XPO6: variants seen among roughly 807,000 people sequenced by gnomAD.
The protein encoded by XPO6 is exportin-6.
A neutral mutation model predicts 130.0 loss-of-function variants in XPO6; 3 were observed. That is an observed-to-expected ratio of 0.02 (90% CI 0.01 to 0.06). The LOEUF is 0.06. Among genes scored for constraint, XPO6 ranks in the 10% least tolerant of loss-of-function variants. XPO6 has a pLI of 1.00. For synonymous variants in XPO6, 524 were observed against 548.9 expected (o/e 0.95, Z 0.63); for missense variants, 970 against 1,393.0 (o/e 0.70, Z 4.83).
chr16:28,145,887 T>C (rs1459527544), intron 9 of XPO6, among the ~76,000 whole-genome samples: 1 of 152,198 alleles, frequency 6.6e-6, no homozygotes, highest in Non-Finnish European at 1.5e-5. Context: ...TATAAAAAAT[T>C]AGTAATACAT....
At chr16:28,145,902 C>A (rs968882799) in intron 9 of XPO6, among the ~76,000 whole-genome samples, 192 bp downstream of exon 9, 3 of 152,048 alleles carry the variant, frequency 2.0e-5, no homozygotes, top group Non-Finnish European at 4.4e-5. Flanking sequence ...ATACATATTA[C>A]TTTTAAAATT....
intron 8 of XPO6, among the ~76,000 whole-genome samples, chr16:28,149,073 A>C (rs1197040560): frequency 3.7e-5 from 5 of 136,530 alleles, no homozygotes; most frequent in South Asian, 2.8e-4. Flanking sequence ...AAAAAAAAAA[A>C]CAAAAGGAAG....
chr16:28,180,464 T>C (rs1208940285), intron 2 of XPO6, among the ~76,000 whole-genome samples: 3 of 152,184 alleles, frequency 2.0e-5, no homozygotes, highest in East Asian at 1.9e-4. Context: ...TTCTGGGCAC[T>C]ATTAGGTTCA....
intron 9 of XPO6, among the ~76,000 whole-genome samples, chr16:28,137,377 A>C (rs913921899): frequency 6.6e-6 from 1 of 152,210 alleles, no homozygotes; most frequent in Non-Finnish European, 1.5e-5. Context: ...TCTGAAACCT[A>C]TTTAATCAAT....
intron 13 of XPO6, among the ~76,000 whole-genome samples, chr16:28,124,755 C>G (rs1402275845): frequency 6.6e-6 from 1 of 152,224 alleles, no homozygotes; most frequent in Non-Finnish European, 1.5e-5. Flanking sequence ...TAATATGAAT[C>G]TGGCTTTTAA....
Position 28,106,739 on chromosome 16 carries a change from C to G in XPO6, c.2498-242G>C, listed in dbSNP as rs760133970. Among the ~76,000 whole-genome samples, 1 of 152,186 alleles carries G rather than the reference C, an allele frequency of 6.6e-6. No homozygotes were observed. The highest frequency in any genetic ancestry group is 1.5e-5 in the Non-Finnish European group (1 of 68,028). On this transcript the variant is annotated intron_variant, in intron 18 of 23. Coordinates refer to ENST00000304658, the MANE Select transcript of XPO6 (RefSeq NM_015171.4). The surrounding 1 kb of genome is among the most constrained non-coding windows in gnomAD (Gnocchi z 4.2). ...GTGGCTCACTACAGGAAATGAAGGT[C>G]ATCTCGAACCCTCCCTCATTGCCCG...
intron 9 of XPO6, among the ~76,000 whole-genome samples, chr16:28,140,211 G>C (rs1330259837): frequency 7.5e-6 from 1 of 133,782 alleles, no homozygotes; most frequent in Non-Finnish European, 1.6e-5. Context: ...CAGCCTGGGT[G>C]ACAGAGCAAG....
chr16:28,211,035 C>T (rs2044120419), intron 1 of XPO6, among the ~76,000 whole-genome samples: 1 of 152,220 alleles, frequency 6.6e-6, no homozygotes, highest in South Asian at 2.1e-4. Flanking sequence ...AATACTACTG[C>T]ACTGTCAATC....
chr16:28,170,714 T>C (rs1258259829), intron 4 of XPO6, among the ~76,000 whole-genome samples: 1 of 152,222 alleles, frequency 6.6e-6, no homozygotes, highest in Admixed American at 6.5e-5. Flanking sequence ...ACACCATACA[T>C]ACATGTCATT....
chr16:28,127,702 G>A (rs1210356217), intron 12 of XPO6, among the ~76,000 whole-genome samples: 1 of 152,214 alleles, frequency 6.6e-6, no homozygotes, highest in African/African-American at 2.4e-5. Context: ...AAGGGATGAG[G>A]CTCGCAACAG....
chr16:28,194,502 G>C (rs532444004), intron 1 of XPO6, among the ~76,000 whole-genome samples: 12 of 152,072 alleles, frequency 7.9e-5, no homozygotes, highest in African/African-American at 2.9e-4. Flanking sequence ...ACCATATAAA[G>C]CAGACTAAAT....
intron 1 of XPO6, among the ~76,000 whole-genome samples, chr16:28,182,917 A>C (rs1198346398): frequency 6.6e-6 from 1 of 152,184 alleles, no homozygotes; most frequent in Non-Finnish European, 1.5e-5. Context: ...TTAAAATAAA[A>C]AGGCTGTGGG....
At chr16:28,137,642 CTT>C (rs55827349) in intron 9 of XPO6, among the ~76,000 whole-genome samples, 101 of 149,734 alleles carry the variant, frequency 6.7e-4, no homozygotes, top group Non-Finnish European at 7.4e-4. Flanking sequence ...ACCAGAGTAT[CTT>C]TTTTTTTTTT....
At chr16:28,178,088 T>C (rs1395897637) in intron 2 of XPO6, among the ~76,000 whole-genome samples, 2 of 152,198 alleles carry the variant, frequency 1.3e-5, no homozygotes, top group South Asian at 2.1e-4. Flanking sequence ...CTTAGTCACC[T>C]TGACCTGCTG....
intron 1 of XPO6, among the ~76,000 whole-genome samples, chr16:28,199,367 C>G (rs929484171): frequency 6.6e-6 from 1 of 151,614 alleles, no homozygotes; most frequent in Non-Finnish European, 1.5e-5. Flanking sequence ...CTCCACCTCC[C>G]GGGTTCAAGC....
At chr16:28,135,423 C>T (rs2042756540) in intron 9 of XPO6, 99 bp from the exon 10 acceptor site, 1 of 943,796 alleles carries the variant, frequency 1.1e-6, no homozygotes, top group African/African-American at 1.6e-5. Context: ...CTATGTTGAT[C>T]ACCATGGAAA....
At position 28,098,423 on chromosome 16, in the gene XPO6, C is replaced by T. The variant is rs1177502922; in HGVS notation, c.*115G>A. 9.3e-6 allele frequency: 8 copies of T among 863,168 alleles called. No individual in the cohort carries two copies. The highest frequency in any genetic ancestry group is 6.7e-5 in the African/African-American group (4 of 59,482). 53.5% of individuals were successfully genotyped at this position (863,168 alleles called of 1,614,324 possible). A position where few individuals can be genotyped will look rare whatever the true frequency, so the allele number is the denominator to read the frequency against. ...CGGCAGAGGCAGGCAGCGTTGCTTG[C>T]GGTGGGAGAAGCCAAGGAGTGTGAC... On this transcript the variant is annotated 3_prime_UTR_variant, in exon 24 of 24. Transcript: ENST00000304658.
intron 9 of XPO6, among the ~76,000 whole-genome samples, chr16:28,135,971 G>C (rs933493509): frequency 9.2e-5 from 14 of 152,088 alleles, no homozygotes; most frequent in African/African-American, 3.4e-4. Context: ...GTATTTTCAA[G>C]TTATGATCTT....
intron 8 of XPO6, among the ~76,000 whole-genome samples, chr16:28,150,922 A>C (rs2043075055): frequency 6.6e-6 from 1 of 151,974 alleles, no homozygotes; most frequent in Non-Finnish European, 1.5e-5. Context: ...TGACCTCGGC[A>C]CGGCTCTCCT....
Sources: allele counts gnomAD v4.1 joint callset (sites outside exome capture counted in the v4.1 genomes callset), GRCh38; gene constraint gnomAD v4.1.1; non-coding constraint Gnocchi (gnomAD v3.1); transcripts MANE v1.5; gene names NCBI Gene and HGNC (gene_info 2026-07-23, HGNC 2026-07-21).